Variants in FOXP1 observed in about 807,000 individuals in gnomAD.
The protein encoded by FOXP1 is forkhead box protein P1.
Under a neutral mutation model 98.2 loss-of-function variants are expected in FOXP1, and 15 were observed. That is an observed-to-expected ratio of 0.15 (90% CI 0.10 to 0.24). The LOEUF (loss-of-function observed/expected upper bound fraction) is 0.24, where lower values mean the gene tolerates loss of function less well. Among genes scored for constraint, FOXP1 ranks in the 10% least tolerant of loss-of-function variants. FOXP1 has a pLI of 1.00. For missense variants in FOXP1, 633 were observed against 848.5 expected (o/e 0.75, Z 3.15); for synonymous variants, 371 against 314.5 (o/e 1.18, Z -1.90).
chr3:70,973,844 CCCCCA>C (rs1559607253), intron 17 of FOXP1, among the ~76,000 whole-genome samples: 13 of 108,076 alleles, frequency 1.2e-4, no homozygotes, highest in African/African-American at 3.7e-4. Context: ...CGCCCCCCCC[CCCCCA>C]CCCCCCAACA....
chr3:71,197,727 G>A (rs1369676916), intron 6 of FOXP1, among the ~76,000 whole-genome samples: 2 of 152,084 alleles, frequency 1.3e-5, no homozygotes, highest in Non-Finnish European at 2.9e-5. Flanking sequence ...CTGTTATCTC[G>A]CCATCTCCGC....
At chr3:71,126,165 G>A (rs1196675200) in intron 6 of FOXP1, among the ~76,000 whole-genome samples, 1 of 152,188 alleles carries the variant, frequency 6.6e-6, no homozygotes, top group Non-Finnish European at 1.5e-5. Flanking sequence ...ATGACACATT[G>A]TCAGCATTTG....
At chr3:71,503,332 TG>T (rs1231997489) in intron 2 of FOXP1, among the ~76,000 whole-genome samples, 1 of 152,160 alleles carries the variant, frequency 6.6e-6, no homozygotes, top group Non-Finnish European at 1.5e-5. Flanking sequence ...CCAAATTACT[TG>T]CTAAAATAAA....
intron 5 of FOXP1, among the ~76,000 whole-genome samples, chr3:71,227,656 T>C (rs1308491026): frequency 1.3e-5 from 2 of 151,894 alleles, no homozygotes; most frequent in Non-Finnish European, 2.9e-5. Context: ...CTCTTACAGG[T>C]CTTTCTCAGC....
chr3:71,168,194 A>G (rs1560053446), intron 6 of FOXP1, among the ~76,000 whole-genome samples: 1 of 152,214 alleles, frequency 6.6e-6, no homozygotes, highest in Non-Finnish European at 1.5e-5. Flanking sequence ...AACTCTATGC[A>G]AAATGTGAAA....
intron 2 of FOXP1, among the ~76,000 whole-genome samples, chr3:71,496,961 AGT>A (rs148821144): frequency 2.3e-4 from 35 of 149,284 alleles, no homozygotes; most frequent in East Asian, 3.9e-4. Context: ...GGTGTGTGGA[AGT>A]GTGTGTGTGT....
At chr3:70,990,226 T>C (rs1347262385) in intron 13 of FOXP1, among the ~76,000 whole-genome samples, 1 of 152,232 alleles carries the variant, frequency 6.6e-6, no homozygotes, top group Non-Finnish European at 1.5e-5. Context: ...TATCATACTC[T>C]TGAATGAGTT....
intron 2 of FOXP1, among the ~76,000 whole-genome samples, chr3:71,538,800 T>C (rs1441096462): frequency 6.6e-6 from 1 of 152,242 alleles, no homozygotes; most frequent in African/African-American, 2.4e-5. Flanking sequence ...TAATTTCTTC[T>C]AAGAGTTTTC....
chr3:71,469,403 ATAGTT>A (rs1454034450), intron 3 of FOXP1, among the ~76,000 whole-genome samples: 1 of 152,210 alleles, frequency 6.6e-6, no homozygotes, highest in African/African-American at 2.4e-5. Context: ...GGACCATTCT[ATAGTT>A]TAATCTCTTT....
chr3:71,134,350 G>T (rs746541896), intron 6 of FOXP1, among the ~76,000 whole-genome samples: 2 of 152,140 alleles, frequency 1.3e-5, no homozygotes, highest in Admixed American at 1.3e-4. Flanking sequence ...GGCTGGACAA[G>T]AAATACATGA....
At chr3:71,172,040 T>C (rs1398420770) in intron 6 of FOXP1, among the ~76,000 whole-genome samples, 1 of 152,230 alleles carries the variant, frequency 6.6e-6, no homozygotes, top group Non-Finnish European at 1.5e-5. Context: ...CAGCAAATAT[T>C]CCTTTGATAA....
chr3:71,253,369 G>GT (rs1206121438), intron 5 of FOXP1, among the ~76,000 whole-genome samples: 1 of 150,096 alleles, frequency 6.7e-6, no homozygotes, highest in Non-Finnish European at 1.5e-5. Context: ...TGAACCTCAG[G>GT]TTTTCCATCT....
At chr3:71,401,992 G>A (rs62246011) in intron 3 of FOXP1, among the ~76,000 whole-genome samples, 2,660 of 152,136 alleles carry the variant, frequency 0.017, 33 homozygotes, top group Non-Finnish European at 0.028. Context: ...GGCTATAAAC[G>A]CCATGAGAGA....
chr3:71,485,593 A>AC (rs1253494932), intron 3 of FOXP1, among the ~76,000 whole-genome samples: 2 of 152,108 alleles, frequency 1.3e-5, no homozygotes, highest in African/African-American at 4.8e-5. Flanking sequence ...ACATGGTGAA[A>AC]CCCCATCTCT....
rs1698176746 is a variant in FOXP1, at chr3:70,954,850, G to T, written c.*4397C>A. On this transcript the variant is annotated 3_prime_UTR_variant, in exon 21 of 21. Coordinates refer to ENST00000649528, the MANE Select transcript of FOXP1 (RefSeq NM_001349338.3). ...TGATGGAATTACAGTTGATGTCAAG[G>T]AATGAGTTTCTTTTATGCCTTATCA... The T allele has an allele frequency of 4.3e-6, 1 of 232,480 alleles. No homozygotes were observed. Among genetic ancestry groups the T allele is most frequent in the African/African-American group, 2.2e-5 (1 of 45,242 alleles). The allele number at this position is 232,480 out of a possible 1,614,324, so 14.4% of individuals were successfully genotyped here. A position where few individuals can be genotyped will look rare whatever the true frequency, so the allele number is the denominator to read the frequency against.
intron 6 of FOXP1, among the ~76,000 whole-genome samples, chr3:71,181,317 A>G (rs1266593576): frequency 2.6e-5 from 4 of 152,232 alleles, no homozygotes; most frequent in Non-Finnish European, 4.4e-5. Flanking sequence ...GATTCTAAGA[A>G]AGGACAATAA....
chr3:71,439,151 C>T (rs1040080225), intron 3 of FOXP1, among the ~76,000 whole-genome samples: 3 of 152,198 alleles, frequency 2.0e-5, no homozygotes, highest in Non-Finnish European at 2.9e-5. Context: ...ATGCAGAGCT[C>T]GGGCAGACTT....
intron 6 of FOXP1, among the ~76,000 whole-genome samples, chr3:71,169,878 C>A (rs1322002981): frequency 1.3e-5 from 2 of 151,720 alleles, no homozygotes; most frequent in Non-Finnish European, 2.9e-5. Context: ...TATTTTGGTT[C>A]ATTTTACGCA....
intron 4 of FOXP1, among the ~76,000 whole-genome samples, chr3:71,354,770 T>C (rs1430152704): frequency 6.6e-6 from 1 of 152,192 alleles, no homozygotes; most frequent in African/African-American, 2.4e-5. Flanking sequence ...GTTATTCTGT[T>C]CCAGACGTTG....
Sources: allele counts gnomAD v4.1 joint callset (sites outside exome capture counted in the v4.1 genomes callset), GRCh38; gene constraint gnomAD v4.1.1; transcripts MANE v1.5; gene names NCBI Gene and HGNC (gene_info 2026-07-23, HGNC 2026-07-21).